Variants in ERGIC1 observed in about 807,000 individuals in gnomAD.
The protein encoded by ERGIC1 is endoplasmic reticulum-golgi intermediate compartment 1.
In ERGIC1, 19 loss-of-function variants were observed where a neutral mutation model predicts 38.3. That is an observed-to-expected ratio of 0.50 (90% CI 0.35 to 0.73). The LOEUF is 0.73. Ranked by LOEUF, ERGIC1 falls within the 30% of genes least tolerant of loss-of-function variation. The pLI, the probability that ERGIC1 is intolerant of heterozygous loss-of-function variation, is 0.01. For missense variants in ERGIC1, 294 were observed against 389.2 expected, an observed-to-expected ratio of 0.76 and a Z score of 2.06; for synonymous variants, 124 against 157.6, an observed-to-expected ratio of 0.79 and a Z score of 1.60.
intron 7 of ERGIC1, among the ~76,000 whole-genome samples, chr5:172,927,467 T>C (rs1763680864): frequency 6.6e-6 from 1 of 152,122 alleles, no homozygotes; most frequent in Admixed American, 6.6e-5. Context: ...TTCCAAGGCA[T>C]GGATTGCAGT....
At chr5:172,894,096 A>T (rs1417037070) in intron 2 of ERGIC1, among the ~76,000 whole-genome samples, 30 of 68,046 alleles carry the variant, frequency 4.4e-4, no homozygotes, top group South Asian at 8.6e-4. Context: ...TCTTTAAAAA[A>T]TTTTTTTTTC....
At chr5:172,887,387 G>T (rs1397334973) in intron 1 of ERGIC1, among the ~76,000 whole-genome samples, 1 of 152,170 alleles carries the variant, frequency 6.6e-6, no homozygotes, top group Non-Finnish European at 1.5e-5. Context: ...AGTGTGTGGG[G>T]AGCCTCCCCT....
intron 9 of ERGIC1, among the ~76,000 whole-genome samples, chr5:172,938,323 C>G (rs1297027570): frequency 1.3e-5 from 2 of 152,198 alleles, no homozygotes; most frequent in African/African-American, 4.8e-5. Context: ...TCCTCAGAGG[C>G]CCTAGGGTCT....
At chr5:172,932,845 G>T in intron 8 of ERGIC1, 1 of 344,320 alleles carries the variant, frequency 2.9e-6, no homozygotes, top group South Asian at 3.4e-5. Context: ...CCCTGCATCT[G>T]GTCCGAGTCC....
At position 172,914,748 on chromosome 5, in the gene ERGIC1, G is replaced by A; in HGVS notation, c.285G>A (p.Arg95=). 1 of 1,614,140 alleles carries A rather than the reference G, an allele frequency of 6.2e-7. No homozygotes were observed. The highest frequency in any genetic ancestry group is 8.5e-7 in the Non-Finnish European group (1 of 1,180,032). The part of the protein sequence containing the change: ...VGLDIQDEMG[R]HEVGHIDNSM... ...TTGACATTCAGGATGAGATGGGCAG[G>A]CACGAAGTGGGCCACATCGACAACT... Residue 95 remains arginine (R), a synonymous_variant, in exon 5 of 10, where the codon AGG becomes AGA. Coordinates refer to ENST00000393784, the MANE Select transcript of ERGIC1 (RefSeq NM_001031711.3).
intron 3 of ERGIC1, 66 bp downstream of exon 3, chr5:172,897,140 G>C: frequency 6.6e-7 from 1 of 1,521,466 alleles, no homozygotes; most frequent in Non-Finnish European, 9.1e-7. Flanking sequence ...AAGAGGGAGG[G>C]GTCTTTGGCC....
chr5:172,896,294 G>A (rs1024952288), intron 2 of ERGIC1, among the ~76,000 whole-genome samples: 1 of 152,220 alleles, frequency 6.6e-6, no homozygotes, highest in Non-Finnish European at 1.5e-5. Context: ...AGTGAGCCGA[G>A]ATTGCGCCAC....
chr5:172,906,784 C>CT (rs1763037961), intron 3 of ERGIC1, among the ~76,000 whole-genome samples: 1 of 152,178 alleles, frequency 6.6e-6, no homozygotes, highest in African/African-American at 2.4e-5. Flanking sequence ...ACCTGAAGCA[C>CT]TGCCCCTTCA....
At chr5:172,925,826 G>A (rs1763638302) in intron 6 of ERGIC1, among the ~76,000 whole-genome samples, 4 of 152,188 alleles carry the variant, frequency 2.6e-5, no homozygotes, top group Non-Finnish European at 5.9e-5. Flanking sequence ...TACCAGGTAT[G>A]CCTTGTCCTT....
intron 1 of ERGIC1, among the ~76,000 whole-genome samples, chr5:172,845,326 C>G (rs1056568164): frequency 6.6e-6 from 1 of 152,184 alleles, no homozygotes; most frequent in Non-Finnish European, 1.5e-5. Context: ...TCCTACCAGC[C>G]TGTGCATCTG....
chr5:172,867,509 C>T (rs1761897734), intron 1 of ERGIC1: 8 of 442,638 alleles, frequency 1.8e-5, no homozygotes, highest in East Asian at 7.2e-5. Flanking sequence ...CAGCCTCTGC[C>T]GTCATTTGAC....
chr5:172,891,683 G>A (rs553188891), intron 2 of ERGIC1, among the ~76,000 whole-genome samples: 63 of 152,130 alleles, frequency 4.1e-4, no homozygotes, highest in African/African-American at 1.4e-3. Context: ...CAAGTGATCC[G>A]CCTGCCTCGG....
At chr5:172,900,570 C>T (rs569753206) in intron 3 of ERGIC1, among the ~76,000 whole-genome samples, 4 of 152,120 alleles carry the variant, frequency 2.6e-5, no homozygotes, top group African/African-American at 9.6e-5. Context: ...ATTAGTTAGC[C>T]GTGGACACAC....
rs370862053 is a variant in ERGIC1, at chr5:172,880,655, T to C, written c.21-8044T>C. On this transcript the variant is annotated intron_variant, in intron 1 of 9. Coordinates refer to ENST00000393784, the MANE Select transcript of ERGIC1 (RefSeq NM_001031711.3). ...TTTGTTTTCAATACTCTGAGTTTAA[T>C]TGCACCTTCAAGTGAGCAAGGCACA... 1.4e-4 allele frequency among the ~76,000 whole-genome samples: 21 copies of C among 152,346 alleles called. No homozygotes were observed. The South Asian group carries it at 3.9e-3, about 29-fold the overall frequency.
Position 172,946,978 on chromosome 5 carries a change from G to A in ERGIC1, c.766-3731G>A, listed in dbSNP as rs144442211. On this transcript the variant is annotated intron_variant, in intron 9 of 9. Transcript: ENST00000393784. ...GCAGGCAGATCACTTGAGGTCAGGG[G>A]TTCGAGACTATCCTGGCCAACATGG... is the stretch of plus-strand genomic sequence containing the variant. Among the ~76,000 whole-genome samples the A allele has an allele frequency of 3.8e-3, 581 of 151,906 alleles. 6 individuals carry two copies. The highest frequency in any genetic ancestry group is 0.013 in the African/African-American group (547 of 41,420).
At chr5:172,840,204 C>T (rs1438491584) in intron 1 of ERGIC1, among the ~76,000 whole-genome samples, 4 of 152,124 alleles carry the variant, frequency 2.6e-5, no homozygotes, top group African/African-American at 7.2e-5. Flanking sequence ...TTTACCTGCT[C>T]GCGGGGACAT....
intron 6 of ERGIC1, among the ~76,000 whole-genome samples, chr5:172,925,244 G>T (rs992552060): frequency 1.3e-5 from 2 of 151,668 alleles, no homozygotes; most frequent in African/African-American, 2.4e-5. Flanking sequence ...CCCAAAAAAA[G>T]AAAAAATAAA....
chr5:172,872,965 C>T (rs1198634049), intron 1 of ERGIC1, among the ~76,000 whole-genome samples: 1 of 152,200 alleles, frequency 6.6e-6, no homozygotes, highest in Admixed American at 6.5e-5. Context: ...TGGCTCCTTC[C>T]CCTAAATACT....
In ERGIC1 at chr5:172,857,102, T is replaced by A. The variant is rs115274435; in HGVS notation, c.20+22669T>A. Among the ~76,000 whole-genome samples the A allele has an allele frequency of 3.6e-3, 549 of 152,268 alleles. 4 individuals are homozygous for A. The highest frequency in any genetic ancestry group is 0.013 in the African/African-American group (533 of 41,546). On this transcript the variant is annotated intron_variant, in intron 1 of 9. Coordinates refer to ENST00000393784, the MANE Select transcript of ERGIC1 (RefSeq NM_001031711.3). Reference sequence around the variant, plus strand: ...CTTAGGAACATGATGTACGCTGAAGTTCATTCAAATAACACGGTAAAGAGA... The same window carrying A: ...CTTAGGAACATGATGTACGCTGAAGATCATTCAAATAACACGGTAAAGAGA...
Sources: allele counts gnomAD v4.1 joint callset (sites outside exome capture counted in the v4.1 genomes callset), GRCh38; gene constraint gnomAD v4.1.1; transcripts MANE v1.5; gene names NCBI Gene and HGNC (gene_info 2026-07-23, HGNC 2026-07-21).